The following SPAG16 variants were observed in gnomAD, a reference collection of about 807,000 sequenced individuals.
SPAG16 encodes sperm associated antigen 16.
Under a neutral mutation model 80.4 loss-of-function variants are expected in SPAG16, and 86 were observed. The ratio of observed to expected loss-of-function variants is 1.07; its 90% CI spans 0.90 to 1.28. SPAG16 has a LOEUF of 1.28. SPAG16 is among the 50% of genes most tolerant of loss of function. The pLI is 0.00. For missense variants in SPAG16, 870 were observed against 765.3 expected (o/e 1.14, Z -1.61); for synonymous variants, 294 against 265.9 (o/e 1.11, Z -1.03).
chr2:214,234,074 T>TC (rs112579129), intron 15 of SPAG16, among the ~76,000 whole-genome samples: 57,365 of 151,270 alleles, frequency 0.38, 13,233 homozygotes, highest in South Asian at 0.55. Flanking sequence ...ATGTGTTGTT[T>TC]CCCCCCCCAT....
intron 9 of SPAG16, among the ~76,000 whole-genome samples, chr2:213,457,135 A>G (rs1001910779): frequency 6.6e-6 from 1 of 152,032 alleles, no homozygotes; most frequent in African/African-American, 2.4e-5. Flanking sequence ...TTAACGTTGC[A>G]TGTTTTTCTA....
At chr2:213,983,338 G>A (rs2045859286) in intron 12 of SPAG16, among the ~76,000 whole-genome samples, 1 of 151,934 alleles carries the variant, frequency 6.6e-6, no homozygotes. Context: ...GTTTGAGGCA[G>A]TTTGTTTTTC....
chr2:213,806,290 A>G (rs1438969144), intron 10 of SPAG16, among the ~76,000 whole-genome samples: 1 of 152,230 alleles, frequency 6.6e-6, no homozygotes, highest in Non-Finnish European at 1.5e-5. Context: ...GATAAGAATT[A>G]TGAATATAAC....
chr2:214,012,273 T>A, intron 12 of SPAG16, among the ~76,000 whole-genome samples: 1 of 46,488 alleles, frequency 2.2e-5, no homozygotes, highest in Non-Finnish European at 4.5e-5. Context: ...TATATATATA[T>A]ATATATATAT....
At chr2:213,431,527 A>G (rs2070299407) in intron 9 of SPAG16, among the ~76,000 whole-genome samples, 1 of 152,140 alleles carries the variant, frequency 6.6e-6, no homozygotes, top group Non-Finnish European at 1.5e-5. Context: ...TTATATAATG[A>G]TAAAGGGATT....
rs2079613121 is a variant in SPAG16, at chr2:213,949,179, T to TTTTTTTTTTTTTTGTTTTTTTGTTTTG, written c.1400+19047_1400+19048insGTTTTTTTGTTTTGTTTTTTTTTTTTT. Among the ~76,000 whole-genome samples, 103 of 36,250 alleles carry TTTTTTTTTTTTTTGTTTTTTTGTTTTG rather than the reference T, an allele frequency of 2.8e-3. 5 individuals carry two copies. The Admixed American group carries it at 0.042, about 15-fold the overall frequency. 23.8% of individuals were successfully genotyped at this position (36,250 alleles called of 152,430 possible). A position where few individuals can be genotyped will look rare whatever the true frequency, so the allele number is the denominator to read the frequency against. The stretch of plus-strand genomic sequence containing the variant: ...TACTTAATTACAACAGTTTTTTTTT[T>TTTTTTTTTTTTTTGTTTTTTTGTTTTG]TTTTTTTTTTTTTTGAGGTAGAGTC... On this transcript the variant is annotated intron_variant, in intron 12 of 15. Coordinates refer to ENST00000331683, the MANE Select transcript of SPAG16 (RefSeq NM_024532.5).
At chr2:213,704,010 TCTC>T (rs2065626186) in intron 10 of SPAG16, among the ~76,000 whole-genome samples, 1 of 152,170 alleles carries the variant, frequency 6.6e-6, no homozygotes, top group Non-Finnish European at 1.5e-5. Context: ...TTGAGAGTGT[TCTC>T]CTAGATATAA....
chr2:213,376,818 G>T (rs2066903775), intron 9 of SPAG16, among the ~76,000 whole-genome samples: 1 of 152,124 alleles, frequency 6.6e-6, no homozygotes, highest in South Asian at 2.1e-4. Context: ...AATGGATTAT[G>T]TTTAAGTAAA....
chr2:213,660,380 CT>C (rs1356000770), intron 10 of SPAG16, among the ~76,000 whole-genome samples: 4 of 152,036 alleles, frequency 2.6e-5, no homozygotes, highest in African/African-American at 9.6e-5. Context: ...AGCAATTCTC[CT>C]GCCTCAGTGT....
intron 15 of SPAG16, among the ~76,000 whole-genome samples, chr2:214,160,697 A>G (rs1315802972): frequency 7.1e-6 from 1 of 140,222 alleles, no homozygotes; most frequent in African/African-American, 2.5e-5. Flanking sequence ...GTATGTACGT[A>G]TGTAAGTTTC....
intron 15 of SPAG16, among the ~76,000 whole-genome samples, chr2:214,286,606 G>T (rs1393758099): frequency 6.6e-6 from 1 of 152,090 alleles, no homozygotes; most frequent in East Asian, 1.9e-4. Flanking sequence ...CATTAGCTGG[G>T]TGTGGTGGTG....
At chr2:214,352,558 C>CTGTGTGTGTGTGTGTGTG (rs761835945) in intron 15 of SPAG16, among the ~76,000 whole-genome samples, 24,884 of 142,146 alleles carry the variant, frequency 0.18, 2,427 homozygotes, top group East Asian at 0.35. Context: ...CTTTTTTTCT[C>CTGTGTGTGTGTGTGTGTG]TGTGTGTGTG....
Position 214,314,837 on chromosome 2 carries a change from C to T in SPAG16, c.1721-95303C>T, listed in dbSNP as rs148729840. On this transcript the variant is annotated intron_variant, in intron 15 of 15. Coordinates refer to ENST00000331683, the MANE Select transcript of SPAG16 (RefSeq NM_024532.5). The stretch of plus-strand genomic sequence containing the variant: ...ACTATAATGAAAGCTGTTTTAAAAA[C>T]ACTACAAGAGTAACTCATGCATGAG... Among the ~76,000 whole-genome samples the T allele has an allele frequency of 5.0e-3, 764 of 152,132 alleles. 4 individuals are homozygous for T. Among genetic ancestry groups the T allele is most frequent in the African/African-American group, 0.018 (728 of 41,500 alleles).
chr2:213,370,302 C>T (rs1225848226), intron 8 of SPAG16, among the ~76,000 whole-genome samples: 1 of 152,104 alleles, frequency 6.6e-6, no homozygotes, highest in African/African-American at 2.4e-5. Context: ...TTATATGGTA[C>T]AAATGTATGC....
intron 6 of SPAG16, among the ~76,000 whole-genome samples, chr2:213,344,708 C>T (rs2124995644): frequency 6.6e-6 from 1 of 152,164 alleles, no homozygotes; most frequent in South Asian, 2.1e-4. Flanking sequence ...AGGACATGAA[C>T]TCATCATTTT....
chr2:214,364,221 TG>T (rs1256747337), intron 15 of SPAG16, among the ~76,000 whole-genome samples: 1 of 152,102 alleles, frequency 6.6e-6, no homozygotes, highest in African/African-American at 2.4e-5. Flanking sequence ...TGACTAGTAA[TG>T]TCGGACATAT....
intron 10 of SPAG16, among the ~76,000 whole-genome samples, chr2:213,588,502 G>A (rs2060547890): frequency 6.7e-6 from 1 of 149,026 alleles, no homozygotes; most frequent in African/African-American, 2.5e-5. Context: ...GTGATATTGT[G>A]ATAAGACTCC....
At chr2:214,388,302 C>G (rs924344803) in intron 15 of SPAG16, among the ~76,000 whole-genome samples, 1 of 151,966 alleles carries the variant, frequency 6.6e-6, no homozygotes, top group Non-Finnish European at 1.5e-5. Context: ...TAGAAAATTG[C>G]TAGGTCCTCT....
At chr2:214,085,297 A>G (rs1000629252) in intron 13 of SPAG16, among the ~76,000 whole-genome samples, 1 of 151,384 alleles carries the variant, frequency 6.6e-6, no homozygotes, top group Non-Finnish European at 1.5e-5. Flanking sequence ...ACTTGAACCC[A>G]GGAGACGGAG....
Sources: allele counts gnomAD v4.1 joint callset (sites outside exome capture counted in the v4.1 genomes callset), GRCh38; gene constraint gnomAD v4.1.1; transcripts MANE v1.5; gene names NCBI Gene and HGNC (gene_info 2026-07-23, HGNC 2026-07-21).